HDX: variants seen among roughly 807,000 people sequenced by gnomAD.
HDX encodes chromosome X open reading frame 43.
HDX carries 19 observed loss-of-function variants against 45.2 expected under a neutral mutation model. The ratio of observed to expected loss-of-function variants is 0.42; its 90% CI spans 0.29 to 0.62. HDX has a LOEUF of 0.62. Ranked by LOEUF, HDX falls within the 20% of genes least tolerant of loss-of-function variation. The pLI, the probability that HDX is intolerant of heterozygous loss-of-function variation, is 0.20. For missense variants in HDX, 532 were observed against 493.9 expected (o/e 1.08, Z -0.73); for synonymous variants, 188 against 172.8 (o/e 1.09, Z -0.69).
intron 5 of HDX, among the ~76,000 whole-genome samples, chrX:84,379,930 GT>G (rs2038148340): frequency 9.1e-6 from 1 of 110,418 alleles, no homozygotes; most frequent in African/African-American, 3.3e-5. Flanking sequence ...ACAAAGAGTT[GT>G]TTTTATTTTT....
At chrX:84,341,712 TTTG>T (rs1333762714) in intron 7 of HDX, among the ~76,000 whole-genome samples, 4 of 107,474 alleles carry the variant, frequency 3.7e-5, no homozygotes, top group African/African-American at 1.4e-4. Flanking sequence ...AATCTCCTTA[TTTG>T]TTTTTTTTTT....
chrX:84,434,212 T>C (rs1273013802), intron 5 of HDX, among the ~76,000 whole-genome samples: 1 of 111,155 alleles, frequency 9.0e-6, no homozygotes, highest in African/African-American at 3.3e-5. Flanking sequence ...AGACTTTTAG[T>C]ACTATGCTGA....
intron 5 of HDX, among the ~76,000 whole-genome samples, chrX:84,402,274 T>C (rs1022090424): frequency 1.8e-5 from 2 of 112,155 alleles, no homozygotes; most frequent in Non-Finnish European, 3.8e-5. Flanking sequence ...AAGTTGAGTT[T>C]TTGTCCAATC....
intron 3 of HDX, among the ~76,000 whole-genome samples, chrX:84,470,272 A>G (rs989028262): frequency 2.3e-4 from 26 of 111,675 alleles, no homozygotes; most frequent in African/African-American, 7.8e-4. Context: ...TCTCCAATGT[A>G]TGAGTTCCGG....
At chrX:84,438,536 C>A (rs549733908) in intron 5 of HDX, among the ~76,000 whole-genome samples, 1 of 108,263 alleles carries the variant, frequency 9.2e-6, no homozygotes, top group Non-Finnish European at 1.9e-5. Context: ...TCAGCCCACA[C>A]CCCCTCCCTC....
intron 3 of HDX, among the ~76,000 whole-genome samples, chrX:84,470,813 T>C (rs1409601503): frequency 9.0e-6 from 1 of 111,428 alleles, no homozygotes; most frequent in Non-Finnish European, 1.9e-5. Context: ...TTTATAATAA[T>C]TCCAAAATGC....
chrX:84,443,335 G>A (rs1028615972), intron 4 of HDX, among the ~76,000 whole-genome samples: 2 of 110,984 alleles, frequency 1.8e-5, no homozygotes, highest in Non-Finnish European at 3.8e-5. Flanking sequence ...CAGATTAGAC[G>A]GGTAATACAC....
At chrX:84,386,558 A>G (rs746600918) in intron 5 of HDX, among the ~76,000 whole-genome samples, 4 of 111,692 alleles carry the variant, frequency 3.6e-5, no homozygotes, top group East Asian at 5.6e-4. Flanking sequence ...CTGGGTTTCA[A>G]TGTCTTCCTG....
At chrX:84,357,680 A>T (rs1036139495) in intron 6 of HDX, among the ~76,000 whole-genome samples, 2 of 111,710 alleles carry the variant, frequency 1.8e-5, no homozygotes, top group African/African-American at 6.5e-5. Flanking sequence ...ACAAATCAGG[A>T]AGTTGCAATG....
intron 6 of HDX, among the ~76,000 whole-genome samples, chrX:84,354,078 T>C (rs1263252187): frequency 8.9e-6 from 1 of 111,915 alleles, no homozygotes; most frequent in African/African-American, 3.2e-5. Context: ...TTTTATATGA[T>C]CAATGGACAA....
chrX:84,486,764 A>AT (rs901504284), intron 2 of HDX, among the ~76,000 whole-genome samples: 17 of 107,450 alleles, frequency 1.6e-4, no homozygotes, highest in East Asian at 8.9e-4. Flanking sequence ...TATTTTCAAC[A>AT]TTTTTTTTTA....
At chrX:84,446,705 C>A (rs1238339010) in intron 4 of HDX, among the ~76,000 whole-genome samples, 1 of 111,953 alleles carries the variant, frequency 8.9e-6, no homozygotes, top group Admixed American at 9.4e-5. Flanking sequence ...CTAGTTGAAA[C>A]AACTTTATAC....
rs531259168 is a variant in HDX, at chrX:84,486,368, T to G, written c.-1+1656A>C. Reference sequence around the variant, plus strand: ...ATAGACAATGTTATCATTTTTACTTTCAACAGTCATACATATTTTAAAGAA... The same window carrying G: ...ATAGACAATGTTATCATTTTTACTTGCAACAGTCATACATATTTTAAAGAA... On this transcript the variant is annotated intron_variant, in intron 2 of 10. Coordinates refer to ENST00000373177, the MANE Select transcript of HDX (RefSeq NM_001177479.2). Among the ~76,000 whole-genome samples, 5 of 110,987 alleles carry G rather than the reference T, an allele frequency of 4.5e-5. 1 individual carries two copies. The South Asian group carries it at 1.9e-3, about 41-fold the overall frequency.
intron 5 of HDX, among the ~76,000 whole-genome samples, chrX:84,396,768 C>T (rs1290534746): frequency 3.6e-5 from 4 of 111,111 alleles, no homozygotes. Flanking sequence ...TGCTCAACCT[C>T]AGTTCCCTGG....
intron 5 of HDX, among the ~76,000 whole-genome samples, chrX:84,401,351 A>T (rs1602386684): frequency 1.8e-5 from 2 of 112,199 alleles, no homozygotes; most frequent in East Asian, 5.6e-4. Context: ...GAACTTAATC[A>T]AATTTACAAG....
intron 9 of HDX, among the ~76,000 whole-genome samples, chrX:84,331,828 G>A (rs1190612067): frequency 9.0e-6 from 1 of 111,602 alleles, no homozygotes; most frequent in East Asian, 2.8e-4. Context: ...TTGTAGCCTA[G>A]AAGCAATAGG....
intron 4 of HDX, among the ~76,000 whole-genome samples, chrX:84,444,795 C>T (rs1202950215): frequency 9.0e-6 from 1 of 111,493 alleles, no homozygotes; most frequent in Admixed American, 9.5e-5. Context: ...CATGTAAAAT[C>T]ATACTTTAAA....
At chrX:84,420,741 G>T in intron 5 of HDX, among the ~76,000 whole-genome samples, 1 of 110,775 alleles carries the variant, frequency 9.0e-6, no homozygotes. Flanking sequence ...TCTAAGAGCG[G>T]CAAGAGAAGA....
intron 10 of HDX, among the ~76,000 whole-genome samples, chrX:84,322,429 A>T (rs2036615706): frequency 1.8e-5 from 2 of 111,704 alleles, no homozygotes; most frequent in Admixed American, 1.9e-4. Context: ...ACTGCATTTA[A>T]CAAAAGACTA....
Sources: allele counts gnomAD v4.1 joint callset (sites outside exome capture counted in the v4.1 genomes callset), GRCh38; gene constraint gnomAD v4.1.1; transcripts MANE v1.5; gene names NCBI Gene and HGNC (gene_info 2026-07-23, HGNC 2026-07-21).